Variants in RAB30 observed in about 807,000 individuals in gnomAD.
The protein encoded by RAB30 is ras-related protein Rab-30.
In RAB30, 9 loss-of-function variants were observed where a neutral mutation model predicts 25.1. The ratio of observed to expected loss-of-function variants is 0.36; its 90% CI spans 0.22 to 0.63. RAB30 has a LOEUF of 0.63. Ranked by LOEUF, RAB30 falls within the 20% of genes least tolerant of loss-of-function variation. The pLI, the probability that RAB30 is intolerant of heterozygous loss-of-function variation, is 0.69. For synonymous variants in RAB30, 77 were observed against 86.4 expected, an observed-to-expected ratio of 0.89 and a Z score of 0.60; for missense variants, 140 against 243.5, an observed-to-expected ratio of 0.58 and a Z score of 2.83.
chr11:83,046,531 T>C (rs1290682854), intron 1 of RAB30, among the ~76,000 whole-genome samples: 3 of 152,106 alleles, frequency 2.0e-5, no homozygotes, highest in African/African-American at 4.8e-5. Context: ...TCTCACTCTA[T>C]TGCCCAGGCT....
intron 1 of RAB30, among the ~76,000 whole-genome samples, chr11:83,033,639 C>A (rs1456636505): frequency 6.6e-6 from 1 of 152,166 alleles, no homozygotes; most frequent in Non-Finnish European, 1.5e-5. Context: ...ATGATTTGAA[C>A]CTAGGTTTGC....
intron 1 of RAB30, among the ~76,000 whole-genome samples, chr11:83,055,996 A>G (rs1006280771): frequency 6.6e-6 from 1 of 152,260 alleles, no homozygotes; most frequent in Non-Finnish European, 1.5e-5. Flanking sequence ...GCACAAATGG[A>G]CTAAGACATA....
chr11:82,993,793 T>C (rs1856904300), intron 3 of RAB30, among the ~76,000 whole-genome samples: 1 of 152,242 alleles, frequency 6.6e-6, no homozygotes, highest in South Asian at 2.1e-4. Flanking sequence ...ACTTGTGACA[T>C]GACAGGAGAC....
chr11:82,993,971 T>C, intron 3 of RAB30, 68 bp downstream of exon 3: 2 of 1,227,786 alleles, frequency 1.6e-6, no homozygotes, highest in South Asian at 2.6e-5. Flanking sequence ...TAAATGGTTA[T>C]GAAAGCAGTA....
chr11:83,009,488 G>A (rs990703168), intron 1 of RAB30, among the ~76,000 whole-genome samples: 1 of 152,160 alleles, frequency 6.6e-6, no homozygotes, highest in African/African-American at 2.4e-5. Context: ...GAGCTGGGTG[G>A]AAGATGTGGA....
chr11:83,029,562 C>T (rs990018774), intron 1 of RAB30, among the ~76,000 whole-genome samples: 2 of 152,086 alleles, frequency 1.3e-5, no homozygotes, highest in African/African-American at 4.8e-5. Flanking sequence ...CCTTAGCATC[C>T]AGGCTGTTTA....
chr11:83,026,362 A>C (rs1857713700), intron 1 of RAB30, among the ~76,000 whole-genome samples: 1 of 152,170 alleles, frequency 6.6e-6, no homozygotes, highest in Non-Finnish European at 1.5e-5. Flanking sequence ...AGGTGTTTGG[A>C]TCATGGGATA....
At chr11:83,070,859 A>G (rs547433394) in intron 1 of RAB30, among the ~76,000 whole-genome samples, 2 of 152,242 alleles carry the variant, frequency 1.3e-5, no homozygotes, top group East Asian at 3.9e-4. Flanking sequence ...TCCCTAATCG[A>G]TCTCTTCAAA....
Position 82,982,029 on chromosome 11 carries a change from C to A in RAB30, c.*136G>T. 2 of 1,241,760 alleles carry A rather than the reference C, an allele frequency of 1.6e-6. No individual in the cohort carries two copies. Among genetic ancestry groups the A allele is most frequent in the Non-Finnish European group, 1.1e-6 (1 of 887,616 alleles). The allele number at this position is 1,241,760 out of a possible 1,614,324, so 76.9% of individuals were successfully genotyped here. On this transcript the variant is annotated 3_prime_UTR_variant, in exon 5 of 5. Transcript: ENST00000527633. ...CCTGTGGTCGAGGCCCTTGGCCTGC[C>A]ATGCTTTGTAAGCTCAGGAGCCCAC...
chr11:82,991,079 G>A (rs1011519871), intron 3 of RAB30, among the ~76,000 whole-genome samples: 5 of 152,242 alleles, frequency 3.3e-5, no homozygotes, highest in Admixed American at 3.3e-4. Context: ...CTCACCAAGC[G>A]GGTGATGCCA....
intron 1 of RAB30, among the ~76,000 whole-genome samples, chr11:83,005,733 G>C (rs1851085717): frequency 6.6e-6 from 1 of 151,870 alleles, no homozygotes; most frequent in Non-Finnish European, 1.5e-5. Context: ...AAAGTAAAAA[G>C]GCTGAGAAAT....
intron 1 of RAB30, among the ~76,000 whole-genome samples, chr11:83,020,457 G>A (rs912193106): frequency 2.6e-5 from 4 of 152,250 alleles, no homozygotes; most frequent in African/African-American, 7.2e-5. Flanking sequence ...GGCTGAGGGC[G>A]GCTCTGCGCT....
At position 82,995,379 on chromosome 11, in the gene RAB30, G is replaced by A. The variant is rs1856937063; in HGVS notation, c.94-1257C>T. 2.6e-5 allele frequency among the ~76,000 whole-genome samples: 4 copies of A among 152,158 alleles called. No individual in the cohort carries two copies. In the South Asian group the frequency reaches 8.3e-4, roughly 31 times the overall value. Reference sequence around the variant, plus strand: ...ATTTTGGCTTGGCTCAGATACAAAAGCTGTCAAGCTTCAAGTTTATAGCTC... The same window carrying A: ...ATTTTGGCTTGGCTCAGATACAAAAACTGTCAAGCTTCAAGTTTATAGCTC... On this transcript the variant is annotated intron_variant, in intron 2 of 4. Transcript: ENST00000527633.
In RAB30 at chr11:82,980,942, CAAG is replaced by C. The variant is rs1250599832; in HGVS notation, c.*1220_*1222del. On this transcript the variant is annotated 3_prime_UTR_variant, in exon 5 of 5. Transcript: ENST00000527633. Reference sequence around the variant, plus strand: ...TAAGCGTCTGAAGGTAACATTATTACAAGAAGGAGGGGATAAATGACAGTTCAA... The same window carrying C: ...TAAGCGTCTGAAGGTAACATTATTACAAGGAGGGGATAAATGACAGTTCAA... The C allele has an allele frequency of 6.6e-6, 1 of 152,070 alleles. No individual in the cohort carries two copies. The allele number at this position is 152,070 out of a possible 1,614,324, so 9.4% of individuals were successfully genotyped here.
At chr11:83,064,808 A>G (rs1313717016) in intron 1 of RAB30, among the ~76,000 whole-genome samples, 4 of 152,182 alleles carry the variant, frequency 2.6e-5, no homozygotes, top group African/African-American at 7.2e-5. Context: ...CATCCAAGAA[A>G]ACTAACATTG....
At chr11:83,066,375 A>G (rs1425636233) in intron 1 of RAB30, among the ~76,000 whole-genome samples, 3 of 152,334 alleles carry the variant, frequency 2.0e-5, no homozygotes, top group African/African-American at 4.8e-5. Context: ...TTACTAATCT[A>G]TATAATTCAA....
chr11:83,022,077 G>C (rs1414064504), intron 1 of RAB30, among the ~76,000 whole-genome samples: 2 of 150,474 alleles, frequency 1.3e-5, no homozygotes, highest in Non-Finnish European at 3.0e-5. Flanking sequence ...CCTGACAATA[G>C]ACCAGTGTTT....
At chr11:82,984,840 G>T (rs1211515549) in intron 4 of RAB30, among the ~76,000 whole-genome samples, 1 of 152,116 alleles carries the variant, frequency 6.6e-6, no homozygotes, top group South Asian at 2.1e-4. Flanking sequence ...ATACCAGAAA[G>T]CAAAAAAATT....
At chr11:82,994,364 AG>A (rs1856916925) in intron 2 of RAB30, among the ~76,000 whole-genome samples, 3 of 152,190 alleles carry the variant, frequency 2.0e-5, no homozygotes, top group African/African-American at 7.2e-5. Context: ...AAGAGACAGG[AG>A]GACAGAGAAA....
Sources: gnomAD v4.1 joint callset for allele counts (sites outside exome capture counted in the v4.1 genomes callset) on GRCh38, gnomAD v4.1.1 for gene constraint, MANE v1.5 for transcripts, NCBI Gene and HGNC (gene_info 2026-07-23, HGNC 2026-07-21) for gene names.